Variants in CXCL1 observed in about 807,000 individuals in gnomAD.
CXCL1 encodes growth-regulated alpha protein.
A neutral mutation model predicts 11.7 loss-of-function variants in CXCL1; 9 were observed. The ratio of observed to expected loss-of-function variants is 0.77; its 90% confidence interval spans 0.46 to 1.34. The LOEUF is 1.34. Ranked by LOEUF, CXCL1 falls within the 40% of genes most tolerant of loss-of-function variation. CXCL1 has a pLI of 0.00. For synonymous variants in CXCL1, 78 were observed against 59.1 expected (o/e 1.32, Z -1.47); for missense variants, 146 against 138.1 (o/e 1.06, Z -0.29).
In CXCL1 at chr4:73,871,217, T is replaced by C. The variant is rs1402488797; in HGVS notation, c.*681T>C. On this transcript the variant is annotated 3_prime_UTR_variant, in exon 4 of 4. Coordinates refer to ENST00000395761, the MANE Select transcript of CXCL1 (RefSeq NM_001511.4). The stretch of plus-strand genomic sequence containing the variant: ...ATTATTGATGTTTTCATAGAGAATA[T>C]AAAAATAAAGCACTTATAGAAAAAA... 6.6e-6 allele frequency: 1 copy of C among 152,210 alleles called. No homozygotes were observed. The highest frequency in any genetic ancestry group is 1.9e-4 in the East Asian group (1 of 5,200). 9.4% of individuals were successfully genotyped at this position (152,210 alleles called of 1,614,324 possible). A position where few individuals can be genotyped will look rare whatever the true frequency, so the allele number is the denominator to read the frequency against.
At chr4:73,870,174 C>G (rs1350848628) in intron 3 of CXCL1, 185 bp downstream of exon 3, 4 of 687,418 alleles carry the variant, frequency 5.8e-6, no homozygotes, top group Non-Finnish European at 7.3e-6. Context: ...AGGATATTCC[C>G]AATGCCTGGC....
In CXCL1 at chr4:73,870,697, C is replaced by G; in HGVS notation, c.*161C>G. On this transcript the variant is annotated 3_prime_UTR_variant, in exon 4 of 4. Coordinates refer to ENST00000395761, the MANE Select transcript of CXCL1 (RefSeq NM_001511.4). ...GAAGTCTTCTATTTATTTATTTATT[C>G]ATTAGTTTTGAAGATTCTATGTTAA... is the stretch of plus-strand genomic sequence containing the variant. 1.3e-6 allele frequency: 1 copy of G among 760,984 alleles called. No individual in the cohort carries two copies. The highest frequency in any genetic ancestry group is 2.1e-6 in the Non-Finnish European group (1 of 484,584). The allele number at this position is 760,984 out of a possible 1,614,324, so 47.1% of individuals were successfully genotyped here. A position where few individuals can be genotyped will look rare whatever the true frequency, so the allele number is the denominator to read the frequency against.
In CXCL1 at chr4:73,869,745, T is replaced by G; in HGVS notation, c.177T>G (p.Ser59Arg). 6.2e-7 allele frequency: 1 copy of G among 1,614,090 alleles called. No individual in the cohort carries two copies. The highest frequency in any genetic ancestry group is 8.5e-7 in the Non-Finnish European group (1 of 1,180,012). Residue 59 changes from serine (S) to arginine (R), a missense_variant, in exon 2 of 4, where the codon AGT becomes AGG. Coordinates refer to ENST00000395761, the MANE Select transcript of CXCL1 (RefSeq NM_001511.4). ...LQGIHPKNIQ[S>R]VNVKSPGPHC... Reference sequence around the variant, plus strand: ...GAATTCACCCCAAGAACATCCAAAGTGTGAACGTGAAGTCCCCCGGACCCC... The same window carrying G: ...GAATTCACCCCAAGAACATCCAAAGGGTGAACGTGAAGTCCCCCGGACCCC...
In CXCL1 at chr4:73,870,731, G is replaced by A. The variant is rs1161812915; in HGVS notation, c.*195G>A. The A allele has an allele frequency of 1.6e-6, 1 of 610,670 alleles. No homozygotes were observed. The highest frequency in any genetic ancestry group is 2.9e-5 in the East Asian group (1 of 34,206). 37.8% of individuals were successfully genotyped at this position (610,670 alleles called of 1,614,324 possible). A position where few individuals can be genotyped will look rare whatever the true frequency, so the allele number is the denominator to read the frequency against. On this transcript the variant is annotated 3_prime_UTR_variant, in exon 4 of 4. Coordinates refer to ENST00000395761, the MANE Select transcript of CXCL1 (RefSeq NM_001511.4). ...TGAAGATTCTATGTTAATATTTTAG[G>A]TGTAAAATAATTAAGGGTATGATTA...
intron 1 of CXCL1, 38 bp downstream of exon 1, chr4:73,869,608 G>C (rs201174282): frequency 4.3e-6 from 7 of 1,613,164 alleles, no homozygotes; most frequent in Non-Finnish European, 5.1e-6. Flanking sequence ...GGCCGGACGC[G>C]GCTGGGGTAG....
chr4:73,869,483 G>T lies in CXCL1; in HGVS notation c.13G>T (p.Ala5Ser). Residue 5 changes from alanine (A) to serine (S), a missense_variant, in exon 1 of 4, where the codon GCT (alanine) becomes TCT (serine). Ala to Ser is a moderately conservative substitution (Grantham distance 99). Coordinates refer to ENST00000395761, the MANE Select transcript of CXCL1 (RefSeq NM_001511.4). Reference sequence around the variant, plus strand: ...CCTGCTGAGCCCCATGGCCCGCGCTGCTCTCTCCGCCGCCCCCAGCAATCC... The same window carrying T: ...CCTGCTGAGCCCCATGGCCCGCGCTTCTCTCTCCGCCGCCCCCAGCAATCC... MARA[A>S]LSAAPSNPRL... 3 of 1,570,338 alleles carry T rather than the reference G, an allele frequency of 1.9e-6. No individual in the cohort carries two copies. The highest frequency in any genetic ancestry group is 8.6e-7 in the Non-Finnish European group (1 of 1,159,154).
rs1440055016 is a variant in CXCL1, at chr4:73,869,754, GA to G, written c.188del (p.Lys63SerfsTer13). The stretch of plus-strand genomic sequence containing the variant: ...CCAAGAACATCCAAAGTGTGAACGT[GA>G]AGTCCCCCGGACCCCACTGCGCCCA... The part of the protein sequence containing the change: ...HPKNIQSVNV[K>X]SPGPHCAQTE... On this transcript the variant is annotated frameshift_variant, in exon 2 of 4. Coordinates refer to ENST00000395761, the MANE Select transcript of CXCL1 (RefSeq NM_001511.4). LOFTEE classifies it high-confidence loss of function. 1 of 1,614,098 alleles carries G rather than the reference GA, an allele frequency of 6.2e-7. No individual in the cohort carries two copies.
At position 73,870,650 on chromosome 4, in the gene CXCL1, T is replaced by G; in HGVS notation, c.*114T>G. 1 of 1,240,274 alleles carries G rather than the reference T, an allele frequency of 8.1e-7. No homozygotes were observed. The highest frequency in any genetic ancestry group is 1.1e-6 in the Non-Finnish European group (1 of 872,220). The allele number at this position is 1,240,274 out of a possible 1,614,324, so 76.8% of individuals were successfully genotyped here. ...CAGAGGCCACCTGGATTGTGCCTAA[T>G]GTGTTTGAGCATCGCTTAGGAGAAG... On this transcript the variant is annotated 3_prime_UTR_variant, in exon 4 of 4. Transcript: ENST00000395761.
At position 73,869,959 on chromosome 4, in the gene CXCL1, T is replaced by G; in HGVS notation, c.278T>G (p.Val93Gly). The G allele has an allele frequency of 6.2e-7, 1 of 1,614,072 alleles. No homozygotes were observed. The highest frequency in any genetic ancestry group is 1.1e-5 in the South Asian group (1 of 91,078). ...KACLNPASPI[V>G]KKIIEKMLNS... ...TGCCTCAATCCTGCATCCCCCATAG[T>G]TAAGAAAATCATCGAAAAGATGCTG... The change falls in exon 3 of 4, where the codon GTT becomes GGT. Residue 93 changes from valine to glycine, a missense_variant. By Grantham distance (109) the Val-to-Gly change is moderately radical. Transcript: ENST00000395761.
At position 73,869,679 on chromosome 4, in the gene CXCL1, G is replaced by A. The variant is rs760115155; in HGVS notation, c.111G>A (p.Val37=). Residue 37 remains valine, a synonymous_variant, in exon 2 of 4, where the codon GTG becomes GTA. Transcript: ENST00000395761. ...AAGRRAAGAS[V]ATELRCQCLQ... ...TCTCTTCTTCCCTAGGAGCGTCCGT[G>A]GCCACTGAACTGCGCTGCCAGTGCT... 2 of 1,614,176 alleles carry A rather than the reference G, an allele frequency of 1.2e-6. No individual in the cohort carries two copies. Among genetic ancestry groups the A allele is most frequent in the South Asian group, 1.1e-5 (1 of 91,088 alleles).
rs1460392970 is a variant in CXCL1 at position 73,869,685 on chromosome 4, T to C, written c.117T>C (p.Thr39=). 2 of 1,614,196 alleles carry C rather than the reference T, an allele frequency of 1.2e-6. No individual in the cohort carries two copies. The highest frequency in any genetic ancestry group is 2.2e-5 in the East Asian group (1 of 44,862). ...CTTCCCTAGGAGCGTCCGTGGCCAC[T>C]GAACTGCGCTGCCAGTGCTTGCAGA... The part of the protein sequence containing the change: ...GRRAAGASVA[T]ELRCQCLQTL... The change falls in exon 2 of 4, where the codon ACT becomes ACC. Residue 39 remains threonine, a synonymous_variant. Transcript: ENST00000395761.
In CXCL1 at chr4:73,869,740, C is replaced by A; in HGVS notation, c.172C>A (p.Gln58Lys). Residue 58 changes from glutamine (Q) to lysine (K), a missense_variant, in exon 2 of 4, where the codon CAA (glutamine) becomes AAA (lysine). Physicochemically the swap from Gln to Lys is moderately conservative, Grantham distance 53 (BLOSUM62 1). Transcript: ENST00000395761. ...TLQGIHPKNI[Q>K]SVNVKSPGPH... ...GCAGGGAATTCACCCCAAGAACATCCAAAGTGTGAACGTGAAGTCCCCCGG... is the reference window on the plus strand; with the variant it reads ...GCAGGGAATTCACCCCAAGAACATCAAAAGTGTGAACGTGAAGTCCCCCGG... 7 of 1,614,130 alleles carry A rather than the reference C, an allele frequency of 4.3e-6. No homozygotes were observed. The highest frequency in any genetic ancestry group is 5.9e-6 in the Non-Finnish European group (7 of 1,180,014).
rs761456939 is a variant in CXCL1, at chr4:73,869,496, C to T, written c.26C>T (p.Ala9Val). MARAALSA[A>V]PSNPRLLRVA... ...ATGGCCCGCGCTGCTCTCTCCGCCG[C>T]CCCCAGCAATCCCCGGCTCCTGCGA... Residue 9 changes from alanine to valine, a missense_variant, in exon 1 of 4, where the codon GCC (alanine) becomes GTC (valine). By Grantham distance (64) the Ala-to-Val change is moderately conservative. Transcript: ENST00000395761. 6.3e-7 allele frequency: 1 copy of T among 1,583,184 alleles called. No individual in the cohort carries two copies. The highest frequency in any genetic ancestry group is 1.1e-5 in the South Asian group (1 of 88,538).
At chr4:73,870,054 C>A in intron 3 of CXCL1, 65 bp downstream of exon 3, 1 of 1,496,394 alleles carries the variant, frequency 6.7e-7, no homozygotes, top group Admixed American at 1.9e-5. Flanking sequence ...GGCATGTGCC[C>A]CCTAAAAATA....
intron 3 of CXCL1, 45 bp from the exon 4 acceptor site, chr4:73,870,476 A>G (rs1731923617): frequency 1.2e-6 from 2 of 1,612,964 alleles, no homozygotes; most frequent in East Asian, 2.2e-5. Flanking sequence ...TTGTGCAATC[A>G]GCTTTCCCGA....
intron 2 of CXCL1, 55 bp from the exon 3 acceptor site, chr4:73,869,851 C>T (rs1731902316): frequency 1.2e-6 from 2 of 1,613,678 alleles, no homozygotes; most frequent in Admixed American, 3.3e-5. Context: ...TCCTGCTGCC[C>T]CAACCCTGTC....
rs1731917664 is a variant in CXCL1, at chr4:73,870,265, A to G, written c.309-256A>G. 15 of 613,414 alleles carry G rather than the reference A, an allele frequency of 2.4e-5. No individual in the cohort carries two copies. In the South Asian group the frequency reaches 3.0e-4, roughly 12 times the overall value. The allele number at this position is 613,414 out of a possible 1,614,324, so 38.0% of individuals were successfully genotyped here. On this transcript the variant is annotated intron_variant, in intron 3 of 3. Transcript: ENST00000395761. ...TTGAGGCCCAGTAGGACAAACAGCA[A>G]CAGGTTCTGGCTGTTTTTAATCCAA...
Position 73,869,417 on chromosome 4 carries a change from C to A in CXCL1, c.-54C>A, listed in dbSNP as rs1731882095. Reference sequence around the variant, plus strand: ...CACAGAGCCCGGGCCGCAGGCACCTCCTCGCCAGCTCTTCCGCTCCTCTCA... The same window carrying A: ...CACAGAGCCCGGGCCGCAGGCACCTACTCGCCAGCTCTTCCGCTCCTCTCA... On this transcript the variant is annotated 5_prime_UTR_variant, in exon 1 of 4. Coordinates refer to ENST00000395761, the MANE Select transcript of CXCL1 (RefSeq NM_001511.4). 1 of 1,530,738 alleles carries A rather than the reference C, an allele frequency of 6.5e-7. No homozygotes were observed. Among genetic ancestry groups the A allele is most frequent in the Non-Finnish European group, 8.8e-7 (1 of 1,140,096 alleles). The allele number at this position is 1,530,738 out of a possible 1,614,324, so 94.8% of individuals were successfully genotyped here.
intron 3 of CXCL1, 127 bp downstream of exon 3, chr4:73,870,116 T>G: frequency 1.1e-6 from 1 of 944,150 alleles, no homozygotes; most frequent in Non-Finnish European, 1.6e-6. Context: ...GGGATTATTG[T>G]TTTCACAATT....
Sources: allele counts gnomAD v4.1 joint callset, GRCh38; gene constraint gnomAD v4.1.1; transcripts MANE v1.5; gene names NCBI Gene and HGNC (gene_info 2026-07-23, HGNC 2026-07-21).